Variants in PRKCA observed in about 807,000 individuals in gnomAD.
PRKCA encodes the protein protein kinase C alpha.
PRKCA carries 27 observed loss-of-function variants against 87.0 expected under a neutral mutation model. That is an observed-to-expected ratio of 0.31 (90% CI 0.23 to 0.43). The LOEUF is 0.43. Among genes scored for constraint, PRKCA ranks in the 20% least tolerant of loss-of-function variants. The probability of loss-of-function intolerance (pLI) is 1.00; values close to 1 mark genes in which losing one functional copy is unlikely to be tolerated. For missense variants in PRKCA, 518 were observed against 852.3 expected (o/e 0.61, Z 4.88); for synonymous variants, 329 against 311.1 (o/e 1.06, Z -0.61).
Position 66,774,766 on chromosome 17 carries a change from T to C in PRKCA, c.1605+699T>C, listed in dbSNP as rs1975010997. The C allele has an allele frequency of 5.1e-6, 5 of 985,390 alleles. No homozygotes were observed. The South Asian group carries it at 2.3e-4, about 46-fold the overall frequency. 61.0% of individuals were successfully genotyped at this position (985,390 alleles called of 1,614,324 possible). A position where few individuals can be genotyped will look rare whatever the true frequency, so the allele number is the denominator to read the frequency against. On this transcript the variant is annotated intron_variant, in intron 14 of 16. Coordinates refer to ENST00000413366, the MANE Select transcript of PRKCA (RefSeq NM_002737.3). Reference sequence around the variant, plus strand: ...CCAATGTGTGTAATTAGTATTATTATTTAAGGAAGAAGACAGTTACCTTGA... The same window carrying C: ...CCAATGTGTGTAATTAGTATTATTACTTAAGGAAGAAGACAGTTACCTTGA...
chr17:66,454,026 T>A (rs1427880243), intron 2 of PRKCA, among the ~76,000 whole-genome samples: 1 of 152,264 alleles, frequency 6.6e-6, no homozygotes, highest in African/African-American at 2.4e-5. Flanking sequence ...GTAGACTTTA[T>A]TTATGTCTGG....
chr17:66,572,110 T>G (rs1323838782), intron 3 of PRKCA, among the ~76,000 whole-genome samples: 1 of 152,232 alleles, frequency 6.6e-6, no homozygotes, highest in Non-Finnish European at 1.5e-5. Flanking sequence ...CTCTAGATGC[T>G]GATAGATTAA....
rs201591267 is a variant in PRKCA at position 66,590,265 on chromosome 17, CTCTG to C, written c.289-51085_289-51082del. 6.7e-3 allele frequency among the ~76,000 whole-genome samples: 1,022 copies of C among 152,278 alleles called. 39 individuals carry two copies. Among genetic ancestry groups the C allele is most frequent in the Admixed American group, 0.058 (894 of 15,296 alleles). On this transcript the variant is annotated intron_variant, in intron 3 of 16. Coordinates refer to ENST00000413366, the MANE Select transcript of PRKCA (RefSeq NM_002737.3). ...TGGCTCCCCTCTCCACACATCAGCC[CTCTG>C]TCTGAATGATATAACATGATTCCCT...
intron 2 of PRKCA, among the ~76,000 whole-genome samples, chr17:66,470,260 A>T (rs1367270766): frequency 6.8e-6 from 1 of 146,036 alleles, no homozygotes; most frequent in African/African-American, 2.6e-5. Context: ...CAAGTGGCAC[A>T]ATCTCGGTTC....
At chr17:66,380,134 A>G (rs1275869610) in intron 2 of PRKCA, among the ~76,000 whole-genome samples, 1 of 152,040 alleles carries the variant, frequency 6.6e-6, no homozygotes, top group African/African-American at 2.4e-5. Flanking sequence ...AAGTGTTTTG[A>G]CATTACCCCC....
At chr17:66,508,251 G>T (rs995259590) in intron 3 of PRKCA, among the ~76,000 whole-genome samples, 1 of 152,228 alleles carries the variant, frequency 6.6e-6, no homozygotes, top group Admixed American at 6.5e-5. Flanking sequence ...TATTTTGTTA[G>T]TAATTCAGTC....
intron 2 of PRKCA, among the ~76,000 whole-genome samples, chr17:66,330,350 C>T (rs1273843128): frequency 6.6e-6 from 1 of 151,918 alleles, no homozygotes; most frequent in Non-Finnish European, 1.5e-5. Flanking sequence ...CAGGTGATCC[C>T]CCTGCCTCTG....
chr17:66,355,261 T>C (rs1238884600), intron 2 of PRKCA, among the ~76,000 whole-genome samples: 1 of 152,222 alleles, frequency 6.6e-6, no homozygotes, highest in African/African-American at 2.4e-5. Flanking sequence ...CCAGATCCTT[T>C]TAATCCCTGC....
At chr17:66,303,279 T>G (rs1904617276) in intron 1 of PRKCA, among the ~76,000 whole-genome samples, 1 of 151,520 alleles carries the variant, frequency 6.6e-6, no homozygotes, top group South Asian at 2.1e-4. Context: ...GCGAAGGGGA[T>G]CCCTCTCCGG....
At chr17:66,436,709 G>A (rs755876098) in intron 2 of PRKCA, among the ~76,000 whole-genome samples, 5 of 152,204 alleles carry the variant, frequency 3.3e-5, no homozygotes, top group East Asian at 1.9e-4. Flanking sequence ...GGAGCTCAAC[G>A]CTGTGCCTTG....
At chr17:66,734,972 A>G (rs1973990244) in intron 9 of PRKCA, among the ~76,000 whole-genome samples, 1 of 152,242 alleles carries the variant, frequency 6.6e-6, no homozygotes, top group Non-Finnish European at 1.5e-5. Flanking sequence ...TTTCACAACT[A>G]AAAATTAAAT....
intron 8 of PRKCA, among the ~76,000 whole-genome samples, chr17:66,730,284 A>G (rs1267570875): frequency 1.3e-5 from 2 of 152,192 alleles, no homozygotes; most frequent in African/African-American, 4.8e-5. Flanking sequence ...GGTTCAGCCT[A>G]AGAGGCCACA....
At chr17:66,796,395 C>T (rs1305372919) in intron 16 of PRKCA, 28 of 975,912 alleles carry the variant, frequency 2.9e-5, no homozygotes, top group Middle Eastern at 5.2e-4. Context: ...ACTTGCAAGG[C>T]CAGGAACTGA....
At chr17:66,572,435 C>T (rs1316848367) in intron 3 of PRKCA, among the ~76,000 whole-genome samples, 2 of 152,174 alleles carry the variant, frequency 1.3e-5, no homozygotes, top group African/African-American at 2.4e-5. Flanking sequence ...CCATGACACT[C>T]CAGTCTGGGC....
At chr17:66,621,243 G>T (rs1257554864) in intron 3 of PRKCA, among the ~76,000 whole-genome samples, 2 of 152,154 alleles carry the variant, frequency 1.3e-5, no homozygotes, top group African/African-American at 2.4e-5. Context: ...CTAGGTGTTT[G>T]ATTTTCATTA....
At chr17:66,782,652 G>A (rs1975269653) in intron 14 of PRKCA, among the ~76,000 whole-genome samples, 1 of 152,204 alleles carries the variant, frequency 6.6e-6, no homozygotes. Flanking sequence ...TTCATTTTCA[G>A]AACTCATCAC....
chr17:66,796,318 G>T, intron 16 of PRKCA: 1 of 440,112 alleles, frequency 2.3e-6, no homozygotes, highest in Non-Finnish European at 3.0e-6. Context: ...CAATGTATCC[G>T]ACAGGTGTTT....
Position 66,803,762 on chromosome 17 carries a change from C to T in PRKCA, c.1855-111C>T, listed in dbSNP as rs1022817652. 5 of 1,444,036 alleles carry T rather than the reference C, an allele frequency of 3.5e-6. No homozygotes were observed. The highest frequency in any genetic ancestry group is 4.7e-5 in the East Asian group (2 of 42,492). The allele number at this position is 1,444,036 out of a possible 1,614,324, so 89.5% of individuals were successfully genotyped here. A position where few individuals can be genotyped will look rare whatever the true frequency, so the allele number is the denominator to read the frequency against. On this transcript the variant is annotated intron_variant, in intron 16 of 16. Coordinates refer to ENST00000413366, the MANE Select transcript of PRKCA (RefSeq NM_002737.3). The surrounding 1 kb of genome is among the most constrained non-coding windows in gnomAD (Gnocchi z 4.4). ...AGTCCTCCGAGATTCCTCCTCCTAACCAGCCCGGAGTTCCCCAGGGCCGTG... is the reference window on the plus strand; with the variant it reads ...AGTCCTCCGAGATTCCTCCTCCTAATCAGCCCGGAGTTCCCCAGGGCCGTG...
Position 66,688,327 on chromosome 17 carries a change from C to A in PRKCA, c.712C>A (p.Arg238=), listed in dbSNP as rs878902960. ...CAAATTGAAACCTTCAGACAAAGACCGACGACTGTCTGTAGAAATCTGGGA... is the reference window on the plus strand; with the variant it reads ...CAAATTGAAACCTTCAGACAAAGACAGACGACTGTCTGTAGAAATCTGGGA... The part of the protein sequence containing the change: ...TFKLKPSDKD[R]RLSVEIWDWD... Residue 238 remains arginine (R), a synonymous_variant, in exon 7 of 17, where the codon CGA becomes AGA. Coordinates refer to ENST00000413366, the MANE Select transcript of PRKCA (RefSeq NM_002737.3). The A allele has an allele frequency of 1.9e-6, 3 of 1,614,064 alleles. No homozygotes were observed. Among genetic ancestry groups the A allele is most frequent in the Middle Eastern group, 1.7e-4 (1 of 6,060 alleles).
Sources: gnomAD v4.1 joint callset for allele counts (sites outside exome capture counted in the v4.1 genomes callset) on GRCh38, gnomAD v4.1.1 for gene constraint, Gnocchi (gnomAD v3.1) non-coding constraint, MANE v1.5 for transcripts, NCBI Gene and HGNC (gene_info 2026-07-23, HGNC 2026-07-21) for gene names.